The following PCDHGA2 variants were observed in gnomAD, a reference collection of about 807,000 sequenced individuals.
The protein encoded by PCDHGA2 is protocadherin gamma subfamily A, 2, also known as protocadherin gamma-A2.
PCDHGA2 carries 40 observed loss-of-function variants against 59.2 expected under a neutral mutation model. That is an observed-to-expected ratio of 0.68 (90% CI 0.52 to 0.88). The LOEUF (loss-of-function observed/expected upper bound fraction) is 0.88. Among genes scored for constraint, PCDHGA2 ranks in the 40% least tolerant of loss-of-function variants. The pLI is 0.00. For synonymous variants in PCDHGA2, 560 were observed against 526.0 expected (o/e 1.06, Z -0.89); for missense variants, 1,226 against 1,204.0 (o/e 1.02, Z -0.27).
intron 1 of PCDHGA2, chr5:141,361,583 C>A: frequency 6.2e-7 from 1 of 1,614,032 alleles, no homozygotes; most frequent in Non-Finnish European, 8.5e-7. Context: ...GACTTGGGCC[C>A]CAGTGGCCAA....
At chr5:141,415,023 C>G in intron 1 of PCDHGA2, 1 of 1,613,530 alleles carries the variant, frequency 6.2e-7, no homozygotes, top group Non-Finnish European at 8.5e-7. Context: ...TCAAGGCCAG[C>G]GAGCCGGGAC....
chr5:141,473,699 C>T (rs560096812), intron 1 of PCDHGA2, among the ~76,000 whole-genome samples: 2 of 152,244 alleles, frequency 1.3e-5, no homozygotes, highest in South Asian at 2.1e-4. Flanking sequence ...TGACCACCCT[C>T]CAAGTGGTGC....
In PCDHGA2 at chr5:141,420,182, C is replaced by G. The variant is rs375716662; in HGVS notation, c.2425-74625C>G. The G allele has an allele frequency of 3.7e-6, 6 of 1,613,694 alleles. No individual in the cohort carries two copies. In the African/African-American group the frequency reaches 8.0e-5, roughly 22 times the overall value. Reference sequence around the variant, plus strand: ...TTTTTTCACATCTGTTGATCATTGTCCAGCCACACAAGATAACCTCAACAA... The same window carrying G: ...TTTTTTCACATCTGTTGATCATTGTGCAGCCACACAAGATAACCTCAACAA... On this transcript the variant is annotated intron_variant, in intron 1 of 3. Transcript: ENST00000394576.
intron 1 of PCDHGA2, chr5:141,424,160 CATCT>C (rs1554117117): frequency 1.5e-5 from 4 of 273,202 alleles, no homozygotes; most frequent in South Asian, 1.4e-4. Flanking sequence ...CTCTCCTTCT[CATCT>C]ATCTATCTAT....
intron 1 of PCDHGA2, chr5:141,384,393 G>A (rs763875742): frequency 1.2e-6 from 2 of 1,613,790 alleles, no homozygotes; most frequent in Non-Finnish European, 1.7e-6. Context: ...CCATCCAGGG[G>A]GCTCCAGTGT....
intron 1 of PCDHGA2, among the ~76,000 whole-genome samples, chr5:141,451,522 A>G (rs1387873094): frequency 6.6e-6 from 1 of 152,200 alleles, no homozygotes; most frequent in Non-Finnish European, 1.5e-5. Flanking sequence ...TAGAGCAAGT[A>G]AAGGAGAGTG....
intron 1 of PCDHGA2, chr5:141,393,707 T>A: frequency 6.2e-7 from 1 of 1,613,882 alleles, no homozygotes; most frequent in African/African-American, 1.3e-5. Flanking sequence ...ATGAAAATAC[T>A]GGGGAAATAT....
At position 141,418,475 on chromosome 5, in the gene PCDHGA2, A is replaced by G; in HGVS notation, c.2425-76332A>G. On this transcript the variant is annotated intron_variant, in intron 1 of 3. Transcript: ENST00000394576. The stretch of plus-strand genomic sequence containing the variant: ...GAAGACTCTGGACCGAGAAACGCAG[A>G]GCGCTCACCACTTGGTACTGACCGC... 3 of 1,614,000 alleles carry G rather than the reference A, an allele frequency of 1.9e-6. No individual in the cohort carries two copies. Among genetic ancestry groups the G allele is most frequent in the Non-Finnish European group, 2.5e-6 (3 of 1,179,892 alleles).
chr5:141,494,661 G>A, intron 1 of PCDHGA2, 146 bp from the exon 2 acceptor site: 2 of 1,492,976 alleles, frequency 1.3e-6, no homozygotes, highest in Non-Finnish European at 1.8e-6. Context: ...TTTGTCTTTG[G>A]AGATGAGTCC....
chr5:141,379,862 T>G (rs1157385498), intron 1 of PCDHGA2, among the ~76,000 whole-genome samples: 2 of 150,480 alleles, frequency 1.3e-5, no homozygotes, highest in African/African-American at 4.9e-5. Flanking sequence ...TATTGTCTTA[T>G]TCTTATTTTA....
chr5:141,487,403 C>T lies in PCDHGA2; in HGVS notation c.2425-7404C>T. 1 of 1,614,140 alleles carries T rather than the reference C, an allele frequency of 6.2e-7. No homozygotes were observed. Among genetic ancestry groups the T allele is most frequent in the South Asian group, 1.1e-5 (1 of 91,082 alleles). ...CAGATCTCGAAGGAGGGAGGGGCTTCCCCCTTCCAATGGGATCCTCCGAAT... is the reference window on the plus strand; with the variant it reads ...CAGATCTCGAAGGAGGGAGGGGCTTTCCCCTTCCAATGGGATCCTCCGAAT... On this transcript the variant is annotated intron_variant, in intron 1 of 3. Coordinates refer to ENST00000394576, the MANE Select transcript of PCDHGA2 (RefSeq NM_018915.4). The surrounding 1 kb of genome is among the most constrained non-coding windows in gnomAD (Gnocchi z 5.0).
chr5:141,356,170 G>T (rs528806463), intron 1 of PCDHGA2: 1 of 1,612,922 alleles, frequency 6.2e-7, no homozygotes, highest in Non-Finnish European at 8.5e-7. Flanking sequence ...AGCCCATGAT[G>T]GGCCTGGTCT....
intron 1 of PCDHGA2, among the ~76,000 whole-genome samples, chr5:141,373,074 A>G (rs910796457): frequency 6.6e-6 from 1 of 152,228 alleles, no homozygotes; most frequent in Non-Finnish European, 1.5e-5. Flanking sequence ...TTTTTAATAC[A>G]GTATTATCTC....
chr5:141,419,304 G>T, intron 1 of PCDHGA2: 1 of 1,613,994 alleles, frequency 6.2e-7, no homozygotes, highest in Non-Finnish European at 8.5e-7. Context: ...CCAGACTTCG[G>T]GCTCAACGGC....
intron 1 of PCDHGA2, chr5:141,374,245 G>C: frequency 2.5e-6 from 4 of 1,613,980 alleles, no homozygotes; most frequent in Non-Finnish European, 3.4e-6. Flanking sequence ...ATCTGGGACT[G>C]GAGCCCCAGG....
intron 1 of PCDHGA2, chr5:141,374,616 T>G: frequency 6.2e-7 from 1 of 1,613,518 alleles, no homozygotes; most frequent in South Asian, 1.1e-5. Flanking sequence ...AATAGTCACT[T>G]CTCAGTGGAC....
chr5:141,413,804 C>A, intron 1 of PCDHGA2: 7 of 1,613,194 alleles, frequency 4.3e-6, no homozygotes, highest in Non-Finnish European at 5.9e-6. Context: ...GAGGAAGAGG[C>A]CATTCACCAC....
chr5:141,397,245 G>A (rs2093494919), intron 1 of PCDHGA2, among the ~76,000 whole-genome samples: 1 of 152,148 alleles, frequency 6.6e-6, no homozygotes, highest in African/African-American at 2.4e-5. Flanking sequence ...CAACGTAGTA[G>A]GGTATATCAT....
At chr5:141,356,818 C>T in intron 1 of PCDHGA2, 1 of 1,613,982 alleles carries the variant, frequency 6.2e-7, no homozygotes, top group Non-Finnish European at 8.5e-7. Context: ...CAGTGGAGAC[C>T]CTCCACTCAG....
Sources: gnomAD v4.1 joint callset for allele counts (sites outside exome capture counted in the v4.1 genomes callset) on GRCh38, gnomAD v4.1.1 for gene constraint, Gnocchi (gnomAD v3.1) non-coding constraint, MANE v1.5 for transcripts, NCBI Gene and HGNC (gene_info 2026-07-23, HGNC 2026-07-21) for gene names.